Variants in RALGPS1 observed in about 807,000 individuals in gnomAD.
RALGPS1 encodes the protein ras-specific guanine nucleotide-releasing factor RalGPS1.
In RALGPS1, 19 loss-of-function variants were observed where a neutral mutation model predicts 78.8. The ratio of observed to expected loss-of-function variants is 0.24; its 90% confidence interval spans 0.17 to 0.35. RALGPS1 has a LOEUF of 0.35. Among genes scored for constraint, RALGPS1 ranks in the 10% least tolerant of loss-of-function variants. The pLI is 1.00. For synonymous variants in RALGPS1, 228 were observed against 256.3 expected, an observed-to-expected ratio of 0.89 and a Z score of 1.06; for missense variants, 454 against 688.3, an observed-to-expected ratio of 0.66 and a Z score of 3.81.
intron 11 of RALGPS1, among the ~76,000 whole-genome samples, chr9:127,193,292 A>G (rs930668108): frequency 5.9e-5 from 9 of 152,174 alleles, no homozygotes; most frequent in Admixed American, 3.9e-4. Flanking sequence ...TGAAGTAAAG[A>G]GTGGCAGCAT....
intron 4 of RALGPS1, among the ~76,000 whole-genome samples, chr9:126,986,099 T>G (rs2041775343): frequency 6.6e-6 from 1 of 152,148 alleles, no homozygotes; most frequent in African/African-American, 2.4e-5. Flanking sequence ...TAACTGAGGG[T>G]GGAGCTGTGG....
intron 13 of RALGPS1, among the ~76,000 whole-genome samples, chr9:127,198,326 C>T (rs990056091): frequency 6.6e-6 from 1 of 152,148 alleles, no homozygotes; most frequent in Non-Finnish European, 1.5e-5. Flanking sequence ...AGGCAAAGAG[C>T]ACTGAACCTC....
chr9:127,195,072 C>T lies in RALGPS1; in HGVS notation c.911-19C>T, dbSNP rs1432514151. The T allele has an allele frequency of 6.2e-7, 1 of 1,612,520 alleles. No homozygotes were observed. The highest frequency in any genetic ancestry group is 8.5e-7 in the Non-Finnish European group (1 of 1,179,550). On this transcript the variant is annotated intron_variant, in intron 11 of 18. Coordinates refer to ENST00000259351, the MANE Select transcript of RALGPS1 (RefSeq NM_014636.3). ...TCCCATCATAACCCCCGTTGTTGCTCTCTCTGCTCTGTTTGCAGGTCCCTC... is the reference window on the plus strand; with the variant it reads ...TCCCATCATAACCCCCGTTGTTGCTTTCTCTGCTCTGTTTGCAGGTCCCTC...
chr9:127,167,585 C>G (rs2059358888), intron 9 of RALGPS1, among the ~76,000 whole-genome samples: 1 of 152,218 alleles, frequency 6.6e-6, no homozygotes, highest in Non-Finnish European at 1.5e-5. Context: ...AGCAAATGCT[C>G]TCTTACCACT....
At chr9:127,055,192 A>G (rs994067574) in intron 7 of RALGPS1, among the ~76,000 whole-genome samples, 3 of 142,172 alleles carry the variant, frequency 2.1e-5, no homozygotes, top group African/African-American at 8.0e-5. Context: ...CACTGCCCTA[A>G]ATGCTTTTTC....
At chr9:127,191,444 T>C (rs2061026096) in intron 11 of RALGPS1, among the ~76,000 whole-genome samples, 1 of 152,204 alleles carries the variant, frequency 6.6e-6, no homozygotes, top group Admixed American at 6.5e-5. Context: ...CCCCTCATCC[T>C]GAAAAGTTCC....
intron 8 of RALGPS1, among the ~76,000 whole-genome samples, chr9:127,125,614 A>C (rs1020048658): frequency 6.6e-6 from 1 of 152,124 alleles, no homozygotes; most frequent in Non-Finnish European, 1.5e-5. Context: ...TCCTGCCCTC[A>C]GACTTCTCCC....
At chr9:127,184,373 A>G (rs2060498083) in intron 11 of RALGPS1, 1 of 305,998 alleles carries the variant, frequency 3.3e-6, no homozygotes, top group Non-Finnish European at 6.3e-6. Flanking sequence ...TGTGTGAGAC[A>G]GCTCTTGGCT....
intron 18 of RALGPS1, among the ~76,000 whole-genome samples, chr9:127,215,723 A>G (rs975514331): frequency 2.8e-4 from 43 of 152,306 alleles, no homozygotes; most frequent in African/African-American, 1.0e-3. Flanking sequence ...GGCTTATGAG[A>G]GAAATGGCTA....
intron 7 of RALGPS1, among the ~76,000 whole-genome samples, chr9:127,063,932 C>T (rs1218655598): frequency 2.0e-5 from 3 of 152,138 alleles, no homozygotes; most frequent in Non-Finnish European, 4.4e-5. Context: ...TTTTATGCAG[C>T]AAATATTTTG....
At chr9:127,007,185 T>C (rs945368938) in intron 4 of RALGPS1, among the ~76,000 whole-genome samples, 14 of 152,222 alleles carry the variant, frequency 9.2e-5, no homozygotes, top group African/African-American at 3.1e-4. Flanking sequence ...GTATTTGTTT[T>C]GTAATTTTTC....
chr9:126,999,914 C>G (rs2043133863), intron 4 of RALGPS1, among the ~76,000 whole-genome samples: 2 of 152,186 alleles, frequency 1.3e-5, no homozygotes, highest in South Asian at 4.1e-4. Context: ...TTCAGTTTAT[C>G]TGTTTCTTTT....
rs1211846548 is a variant in RALGPS1, at chr9:127,220,777, G to A, written c.*2008G>A. Reference sequence around the variant, plus strand: ...AACATCAACTACCTATTTTCCTTGGGTTTTTCCACTCTGCAAACTGTCCTG... The same window carrying A: ...AACATCAACTACCTATTTTCCTTGGATTTTTCCACTCTGCAAACTGTCCTG... On this transcript the variant is annotated 3_prime_UTR_variant, in exon 19 of 19. Coordinates refer to ENST00000259351, the MANE Select transcript of RALGPS1 (RefSeq NM_014636.3). 2 of 152,362 alleles carry A rather than the reference G, an allele frequency of 1.3e-5. No individual in the cohort carries two copies. Among genetic ancestry groups the A allele is most frequent in the Non-Finnish European group, 2.9e-5 (2 of 68,024 alleles). 9.4% of individuals were successfully genotyped at this position (152,362 alleles called of 1,614,324 possible). A position where few individuals can be genotyped will look rare whatever the true frequency, so the allele number is the denominator to read the frequency against.
chr9:127,014,067 G>A (rs1299924114), intron 4 of RALGPS1, among the ~76,000 whole-genome samples: 3 of 152,220 alleles, frequency 2.0e-5, no homozygotes, highest in Non-Finnish European at 4.4e-5. Flanking sequence ...GAGGCACTCC[G>A]TGAAGACTGA....
intron 4 of RALGPS1, among the ~76,000 whole-genome samples, chr9:127,028,309 G>A (rs952509702): frequency 6.6e-6 from 1 of 152,256 alleles, no homozygotes; most frequent in Non-Finnish European, 1.5e-5. Flanking sequence ...TGGTGAGGAT[G>A]GGCTCCCATC....
intron 4 of RALGPS1, among the ~76,000 whole-genome samples, chr9:127,029,499 G>A (rs940999672): frequency 2.0e-5 from 3 of 152,220 alleles, no homozygotes; most frequent in African/African-American, 4.8e-5. Context: ...GAGGGAGGAG[G>A]AAGAAGAAAG....
intron 1 of RALGPS1, among the ~76,000 whole-genome samples, chr9:126,931,432 T>G (rs1468383318): frequency 6.6e-6 from 1 of 152,218 alleles, no homozygotes; most frequent in African/African-American, 2.4e-5. Flanking sequence ...GGAGTATTAT[T>G]CAGCCATAAA....
intron 8 of RALGPS1, among the ~76,000 whole-genome samples, chr9:127,162,148 G>C (rs1054608803): frequency 4.6e-5 from 7 of 152,206 alleles, no homozygotes; most frequent in African/African-American, 1.7e-4. Flanking sequence ...TTGTCAGCCA[G>C]CGTTTACCAA....
chr9:127,004,508 A>C (rs1006343500), intron 4 of RALGPS1, among the ~76,000 whole-genome samples: 5 of 152,152 alleles, frequency 3.3e-5, no homozygotes, highest in Non-Finnish European at 7.4e-5. Context: ...TTCTACTCTA[A>C]AGGGTTGGGA....
Sources: gnomAD v4.1 joint callset for allele counts (sites outside exome capture counted in the v4.1 genomes callset) on GRCh38, gnomAD v4.1.1 for gene constraint, MANE v1.5 for transcripts, NCBI Gene and HGNC (gene_info 2026-07-23, HGNC 2026-07-21) for gene names.